Variants in ARX observed in about 807,000 individuals in gnomAD.
The protein encoded by ARX is homeobox protein ARX.
Under a neutral mutation model 23.1 loss-of-function variants are expected in ARX, and 1 was observed. That is an observed-to-expected ratio of 0.04 (90% CI 0.02 to 0.21). The LOEUF (loss-of-function observed/expected upper bound fraction) is 0.21, where lower values mean the gene tolerates loss of function less well. Among genes scored for constraint, ARX ranks in the 10% least tolerant of loss-of-function variants. ARX has a pLI of 1.00. For synonymous variants in ARX, 301 were observed against 270.1 expected (o/e 1.11, Z -1.12); for missense variants, 380 against 527.5 (o/e 0.72, Z 2.74).
Position 25,012,909 on chromosome X carries a change from C to T in ARX, c.1073+13G>A. The T allele has an allele frequency of 8.3e-7, 1 of 1,202,897 alleles. No homozygotes were observed. ...TCTCTGCCGCTGCGACCGCGACCACCCTACGCGCATACCTGGTGAAGACGT... is the reference window on the plus strand; with the variant it reads ...TCTCTGCCGCTGCGACCGCGACCACTCTACGCGCATACCTGGTGAAGACGT... On this transcript the variant is annotated intron_variant, in intron 2 of 4. Transcript: ENST00000379044.
chrX:25,012,648 TAACTAAAACTTGTAATTTGAA>T (rs376908262), intron 2 of ARX, among the ~76,000 whole-genome samples: 36 of 113,133 alleles, frequency 3.2e-4, no homozygotes, highest in African/African-American at 7.7e-4. Flanking sequence ...TTCCTCTCTC[TAACTAAAACTTGTAATTTGAA>T]AACATTAAAC....
At position 25,015,709 on chromosome X, in the gene ARX, C is replaced by T; in HGVS notation, c.29G>A (p.Cys10Tyr). 8.3e-7 allele frequency: 1 copy of T among 1,201,973 alleles called. No individual in the cohort carries two copies. ...ACTTTTGCACTCGGGCCTCTCGGAG[C>T]AGCCCTCCTCCTGGTACTGATTGCT... Reference protein sequence around the residue: MSNQYQEEGCSERPECKSKS... With the variant: MSNQYQEEGYSERPECKSKS... The change falls in exon 1 of 5, where the codon TGC becomes TAC. Residue 10 changes from cysteine to tyrosine, a missense_variant. Physicochemically the swap from Cys to Tyr is radical, Grantham distance 194. Coordinates refer to ENST00000379044, the MANE Select transcript of ARX (RefSeq NM_139058.3).
intron 2 of ARX, 47 bp from the exon 3 acceptor site, chrX:25,010,352 A>G (rs1366889526): frequency 8.4e-7 from 1 of 1,188,798 alleles, no homozygotes; most frequent in Non-Finnish European, 1.1e-6. Flanking sequence ...AGGCCCCAGC[A>G]ATGCCCTCTC....
Position 25,007,313 on chromosome X carries a change from C to T in ARX, c.1246G>A (p.Ala416Thr). ...GGGTGGTGCGGAGGGAAGGGGCTGG[C>T]GTCCAGGTAGGGGCTGAGCGGGTGG... ...ATHPLSPYLD[A>T]SPFPPHHPAL... The change falls in exon 4 of 5, where the codon GCC becomes ACC. Residue 416 changes from alanine to threonine, a missense_variant. Coordinates refer to ENST00000379044, the MANE Select transcript of ARX (RefSeq NM_139058.3). 8.8e-7 allele frequency: 1 copy of T among 1,131,455 alleles called. No individual in the cohort carries two copies. 93.2% of individuals were successfully genotyped at this position (1,131,455 alleles called of 1,213,427 possible). A position where few individuals can be genotyped will look rare whatever the true frequency, so the allele number is the denominator to read the frequency against.
At position 25,015,776 on chromosome X, in the gene ARX, C is replaced by T; in HGVS notation, c.-39G>A. 8.6e-7 allele frequency: 1 copy of T among 1,157,031 alleles called. No individual in the cohort carries two copies. Among genetic ancestry groups the T allele is most frequent in the Admixed American group, 2.5e-5 (1 of 40,603 alleles). ...TCCCAGGGCGCAGAGAGCGGATCGC[C>T]GGCTGCCTCTCCCGGAGGGTGGGAT... On this transcript the variant is annotated 5_prime_UTR_variant, in exon 1 of 5. Coordinates refer to ENST00000379044, the MANE Select transcript of ARX (RefSeq NM_139058.3).
In ARX at chrX:25,013,331, C is replaced by G. The variant is rs1183516776; in HGVS notation, c.664G>C (p.Gly222Arg). The change falls in exon 2 of 5, where the codon GGC becomes CGC. Residue 222 changes from glycine (G) to arginine (R), a missense_variant. Physicochemically the swap from Gly to Arg is moderately radical, Grantham distance 125. This residue lies in a region of ARX where 235 missense variants were observed against 270.2 expected (regional missense o/e 0.87). Transcript: ENST00000379044. ...AGCTCCTCCTCGTCGTCCTCGGTGC[C>G]GGTGCCACCACCCGCAGCCGGGGCG... ...GSAPAAGGGT[G>R]TEDDEEELLE... 4.3e-6 allele frequency: 5 copies of G among 1,152,726 alleles called. No individual in the cohort carries two copies. The Admixed American group carries it at 7.8e-5, about 18-fold the overall frequency. The allele number at this position is 1,152,726 out of a possible 1,213,427, so 95.0% of individuals were successfully genotyped here. A position where few individuals can be genotyped will look rare whatever the true frequency, so the allele number is the denominator to read the frequency against.
In ARX at chrX:25,004,897, T is replaced by C. The variant is rs767404024; in HGVS notation, c.1462A>G (p.Met488Val). The C allele has an allele frequency of 7.1e-5, 81 of 1,135,918 alleles. No individual in the cohort carries two copies. Among genetic ancestry groups the C allele is most frequent in the Middle Eastern group, 2.9e-4 (1 of 3,457 alleles). 93.6% of individuals were successfully genotyped at this position (1,135,918 alleles called of 1,213,427 possible). The change falls in exon 5 of 5, where the codon ATG becomes GTG. Residue 488 changes from methionine to valine, a missense_variant. Around this residue, in one of 3 missense-constraint regions of ARX, gnomAD observed 121 missense variants for 169.7 expected, o/e 0.71. Coordinates refer to ENST00000379044, the MANE Select transcript of ARX (RefSeq NM_139058.3). ...GTCGACGCGCTGGTCAGGGGGGCCA[T>C]TGTGGAAAAGAGCCTGCAGGGAGAG... ...SPAFGRLFST[M>V]APLTSASTAA...
chrX:25,013,561 G>A lies in ARX; in HGVS notation c.434C>T (p.Ala145Val). The part of the protein sequence containing the change: ...PGERPDGAGA[A>V]AAAAAAAAAA... ...GGCGGCCGCGGCCGCGGCTGCCGCG[G>A]CGGCCCCTGCGCCGTCCGGCCGTTC... is the stretch of plus-strand genomic sequence containing the variant. The change falls in exon 2 of 5, where the codon GCC becomes GTC. Residue 145 changes from alanine (A) to valine (V), a missense_variant. Ala to Val is a moderately conservative substitution (Grantham distance 64). This residue lies in a region of ARX where 235 missense variants were observed against 270.2 expected (regional missense o/e 0.87). Coordinates refer to ENST00000379044, the MANE Select transcript of ARX (RefSeq NM_139058.3). 1 of 776,058 alleles carries A rather than the reference G, an allele frequency of 1.3e-6. No individual in the cohort carries two copies. The allele number at this position is 776,058 out of a possible 1,213,427, so 64.0% of individuals were successfully genotyped here.
intron 4 of ARX, among the ~76,000 whole-genome samples, chrX:25,005,537 G>C (rs2048674305): frequency 8.9e-6 from 1 of 112,510 alleles, no homozygotes; most frequent in Admixed American, 9.3e-5. Context: ...ACCCGCGTCT[G>C]GCCAGCGCCT....
In ARX at chrX:25,004,260, T is replaced by TAA; in HGVS notation, c.*408_*409dup. 11 of 130,387 alleles carry TAA rather than the reference T, an allele frequency of 8.4e-5. No homozygotes were observed. Among genetic ancestry groups the TAA allele is most frequent in the South Asian group, 1.9e-4 (1 of 5,137 alleles). 10.7% of individuals were successfully genotyped at this position (130,387 alleles called of 1,213,427 possible). Reference sequence around the variant, plus strand: ...CAACTTCGAGCGCCAAAATGCTATTTAAAAAAAAAAAAGAAAGAAAGAAAG... The same window carrying TAA: ...CAACTTCGAGCGCCAAAATGCTATTTAAAAAAAAAAAAAAGAAAGAAAGAAAG... On this transcript the variant is annotated 3_prime_UTR_variant, in exon 5 of 5. Coordinates refer to ENST00000379044, the MANE Select transcript of ARX (RefSeq NM_139058.3).
intron 1 of ARX, 93 bp from the exon 2 acceptor site, chrX:25,013,891 G>T: frequency 1.2e-6 from 1 of 854,350 alleles, no homozygotes; most frequent in Non-Finnish European, 1.4e-6. Flanking sequence ...CTCCCCCAGT[G>T]CCTAGGCCCA....
At chrX:25,005,687 G>A (rs936765433) in intron 4 of ARX, among the ~76,000 whole-genome samples, 1 of 112,577 alleles carries the variant, frequency 8.9e-6, no homozygotes, top group African/African-American at 3.2e-5. Context: ...GGGAGCCCCC[G>A]ACCCACGACC....
chrX:25,004,402 G>A lies in ARX; in HGVS notation c.*268C>T. On this transcript the variant is annotated 3_prime_UTR_variant, in exon 5 of 5. Transcript: ENST00000379044. Reference sequence around the variant, plus strand: ...CTCCCCGATATTTTCAGGAAAGTAAGAACAAGAGAGAGTGGATGTTGGAGT... The same window carrying A: ...CTCCCCGATATTTTCAGGAAAGTAAAAACAAGAGAGAGTGGATGTTGGAGT... The A allele has an allele frequency of 2.5e-6, 1 of 392,756 alleles. No individual in the cohort carries two copies. The highest frequency in any genetic ancestry group is 4.4e-6 in the Non-Finnish European group (1 of 229,256). 32.4% of individuals were successfully genotyped at this position (392,756 alleles called of 1,213,427 possible). A position where few individuals can be genotyped will look rare whatever the true frequency, so the allele number is the denominator to read the frequency against.
intron 3 of ARX, among the ~76,000 whole-genome samples, chrX:25,008,302 G>A (rs970552682): frequency 8.9e-6 from 1 of 112,906 alleles, no homozygotes; most frequent in Non-Finnish European, 1.9e-5. Flanking sequence ...ATACCTGGGC[G>A]CATAGAAATC....
chrX:25,011,787 A>G (rs2048703476), intron 2 of ARX, among the ~76,000 whole-genome samples: 1 of 112,890 alleles, frequency 8.9e-6, no homozygotes, highest in Non-Finnish European at 1.9e-5. Context: ...CCTCTGGTTC[A>G]AAGGGGCGGG....
Position 25,013,625 on chromosome X carries a change from C to T in ARX, c.370G>A (p.Glu124Lys). ...GTTGGCGGTGGCGGCGGAGGGGCCT[C>T]CCCGCGTGGACCCGCCGTGGCCGTG... Reference protein sequence around the residue: ...AATATAGPRGEAPPPPPPTAR... With the variant: ...AATATAGPRGKAPPPPPPTAR... The change falls in exon 2 of 5, where the codon GAG (glutamate) becomes AAG (lysine). Residue 124 changes from glutamate to lysine, a missense_variant. Physicochemically the swap from Glu to Lys is moderately conservative, Grantham distance 56. Around this residue, in one of 3 missense-constraint regions of ARX, gnomAD observed 235 missense variants for 270.2 expected, o/e 0.87. Transcript: ENST00000379044. 2 of 753,757 alleles carry T rather than the reference C, an allele frequency of 2.7e-6. No individual in the cohort carries two copies. Among genetic ancestry groups the T allele is most frequent in the Non-Finnish European group, 3.1e-6 (2 of 640,426 alleles). The allele number at this position is 753,757 out of a possible 1,213,427, so 62.1% of individuals were successfully genotyped here.
Position 25,013,137 on chromosome X carries a change from G to C in ARX, c.858C>G (p.Gly286=), listed in dbSNP as rs2048709096. ...GCTCCTCCTTGGGTGACAGCTCCCC[G>C]CCCTCTGTGGCCACTGCAGCGGCAG... ...AAAAAAVATE[G]GELSPKEELL... The change falls in exon 2 of 5, where the codon GGC becomes GGG. Residue 286 remains glycine (G), a synonymous_variant. Coordinates refer to ENST00000379044, the MANE Select transcript of ARX (RefSeq NM_139058.3). The C allele has an allele frequency of 8.3e-7, 1 of 1,199,786 alleles. No homozygotes were observed. The highest frequency in any genetic ancestry group is 2.2e-5 in the Admixed American group (1 of 45,236).
chrX:25,013,446 C>T lies in ARX; in HGVS notation c.549G>A (p.Val183=), dbSNP rs1388448189. Residue 183 remains valine (V), a synonymous_variant, in exon 2 of 5, where the codon GTG becomes GTA. Coordinates refer to ENST00000379044, the MANE Select transcript of ARX (RefSeq NM_139058.3). ...KSYRENGAPF[V]PPPPALDELG... is the part of the protein sequence containing the mutation. ...GCTCGTCCAGCGCGGGCGGCGGCGG[C>T]ACGAAGGGCGCCCCGTTCTCGCGGT... 1 of 934,869 alleles carries T rather than the reference C, an allele frequency of 1.1e-6. No individual in the cohort carries two copies. Among genetic ancestry groups the T allele is most frequent in the Admixed American group, 5.0e-5 (1 of 19,994 alleles). 77.0% of individuals were successfully genotyped at this position (934,869 alleles called of 1,213,427 possible).
intron 2 of ARX, 53 bp from the exon 3 acceptor site, chrX:25,010,358 C>T: frequency 8.5e-7 from 1 of 1,181,724 alleles, no homozygotes; most frequent in Non-Finnish European, 1.1e-6. Context: ...CAGCAATGCC[C>T]TCTCAGCTAT....
Sources: allele counts gnomAD v4.1 joint callset (sites outside exome capture counted in the v4.1 genomes callset), GRCh38; gene constraint gnomAD v4.1.1; regional missense constraint gnomAD v4.1.1; transcripts MANE v1.5; gene names NCBI Gene and HGNC (gene_info 2026-07-23, HGNC 2026-07-21).